Variants in POU3F3 observed in about 807,000 individuals in gnomAD.
POU3F3 encodes POU domain, class 3, transcription factor 3.
Under a neutral mutation model 8.6 loss-of-function variants are expected in POU3F3, and 1 was observed. The observed-to-expected ratio is 0.12, with a 90% confidence interval of 0.04 to 0.55. The LOEUF (loss-of-function observed/expected upper bound fraction) is 0.55. POU3F3 is among the 20% of genes least tolerant of loss of function. POU3F3 has a pLI of 0.91. For missense variants in POU3F3, 577 were observed against 690.7 expected (o/e 0.84, Z 1.84); for synonymous variants, 418 against 327.4 (o/e 1.28, Z -2.99).
chr2:104,871,493 T>C, the POU3F3 span, among the ~76,000 whole-genome samples: 1 of 152,190 alleles, frequency 6.6e-6, no homozygotes, highest in African/African-American at 2.4e-5. Flanking sequence ...ATAGTCATAA[T>C]TGGTATTTAA....
At chr2:104,911,190 G>A in the POU3F3 span, among the ~76,000 whole-genome samples, 3 of 151,824 alleles carry the variant, frequency 2.0e-5, no homozygotes, top group Non-Finnish European at 4.4e-5. Flanking sequence ...AAGGTGTCAT[G>A]TGAGGTCAGG....
the POU3F3 span, among the ~76,000 whole-genome samples, chr2:104,896,341 C>A: frequency 6.6e-6 from 1 of 152,152 alleles, no homozygotes. Context: ...GTGGTGCAAT[C>A]CAAAGGACGT....
chr2:104,864,377 C>T, the POU3F3 span, among the ~76,000 whole-genome samples: 1 of 152,216 alleles, frequency 6.6e-6, no homozygotes, highest in African/African-American at 2.4e-5. Flanking sequence ...AACATGAGAA[C>T]TTTAGAGGTG....
At chr2:104,864,422 C>G in the POU3F3 span, among the ~76,000 whole-genome samples, 1 of 152,200 alleles carries the variant, frequency 6.6e-6, no homozygotes, top group Non-Finnish European at 1.5e-5. Flanking sequence ...GCTTAAACCC[C>G]ACAACTGACT....
chr2:104,867,304 C>A, the POU3F3 span: 3 of 152,226 alleles, frequency 2.0e-5, no homozygotes, highest in Non-Finnish European at 2.9e-5. The surrounding 1 kb of genome is among the most constrained non-coding windows in gnomAD (Gnocchi z 5.0). Flanking sequence ...TGCGCCGGGC[C>A]CTCTCCGCTG....
chr2:104,861,761 ATG>A (rs1676659940), downstream of POU3F3, among the ~76,000 whole-genome samples: 1 of 152,214 alleles, frequency 6.6e-6, no homozygotes, highest in African/African-American at 2.4e-5. Flanking sequence ...TGAGTGACGC[ATG>A]TGAGAAGCGT....
At chr2:104,885,009 T>C in the POU3F3 span, among the ~76,000 whole-genome samples, 2 of 152,126 alleles carry the variant, frequency 1.3e-5, no homozygotes, top group African/African-American at 4.8e-5. Flanking sequence ...GAGGGCAGCA[T>C]TCTTACACAA....
the POU3F3 span, chr2:104,868,485 C>G: frequency 2.5e-6 from 1 of 396,948 alleles, no homozygotes; most frequent in African/African-American, 2.1e-5. Flanking sequence ...TCAGGAGAAG[C>G]TCAGAAGCAT....
chr2:104,887,998 C>CTA, the POU3F3 span, among the ~76,000 whole-genome samples: 1 of 152,176 alleles, frequency 6.6e-6, no homozygotes, highest in South Asian at 2.1e-4. Context: ...ACTGCAAATG[C>CTA]TATACAGCAC....
chr2:104,912,326 G>A, the POU3F3 span, among the ~76,000 whole-genome samples: 3 of 152,212 alleles, frequency 2.0e-5, no homozygotes, highest in East Asian at 3.9e-4. Context: ...ATCACTCACC[G>A]GCATCATTGG....
chr2:104,917,615 G>A, the POU3F3 span, among the ~76,000 whole-genome samples: 1 of 152,172 alleles, frequency 6.6e-6, no homozygotes, highest in South Asian at 2.1e-4. Context: ...GCTCCAAAGT[G>A]CAAAGAAACT....
Position 104,855,823 on chromosome 2 carries a change from G to A in POU3F3, c.313G>A (p.Ala105Thr), listed in dbSNP as rs1442103229. The change falls in exon 1 of 1, where the codon GCC (alanine) becomes ACC (threonine). Residue 105 changes from alanine (A) to threonine (T), a missense_variant. Coordinates refer to ENST00000361360, the MANE Select transcript of POU3F3 (RefSeq NM_006236.3). Reference sequence around the variant, plus strand: ...GTGGGTCACAGCCCTGCCCCACGCCGCCGCCGCCGCCGCCGCTGCCGCCGC... The same window carrying A: ...GTGGGTCACAGCCCTGCCCCACGCCACCGCCGCCGCCGCCGCTGCCGCCGC... Reference protein sequence around the residue: ...HQWVTALPHAAAAAAAAAAAA... With the variant: ...HQWVTALPHATAAAAAAAAAA... The A allele has an allele frequency of 1.8e-6, 2 of 1,109,952 alleles. No individual in the cohort carries two copies. The highest frequency in any genetic ancestry group is 2.2e-6 in the Non-Finnish European group (2 of 910,648). The allele number at this position is 1,109,952 out of a possible 1,614,324, so 68.8% of individuals were successfully genotyped here.
chr2:104,910,417 CCTCCA>C, the POU3F3 span, among the ~76,000 whole-genome samples: 5 of 152,068 alleles, frequency 3.3e-5, no homozygotes, highest in South Asian at 2.1e-4. Context: ...ATTCTCTTTT[CCTCCA>C]CTCAATGGGC....
At chr2:104,880,578 C>T in the POU3F3 span, among the ~76,000 whole-genome samples, 199 of 152,312 alleles carry the variant, frequency 1.3e-3, no homozygotes, top group African/African-American at 4.3e-3. Context: ...CAAGTGTCCA[C>T]ATCAGTCCAC....
chr2:104,881,158 T>C, the POU3F3 span, among the ~76,000 whole-genome samples: 2 of 94,846 alleles, frequency 2.1e-5, no homozygotes, highest in Non-Finnish European at 4.8e-5. Flanking sequence ...TTCCTTTCTT[T>C]CCTTTCTTTC....
the POU3F3 span, among the ~76,000 whole-genome samples, chr2:104,902,692 A>G: frequency 1.3e-5 from 2 of 152,336 alleles, no homozygotes; most frequent in Non-Finnish European, 2.9e-5. Context: ...TATGGCAGCT[A>G]TGGCAATCTG....
the POU3F3 span, among the ~76,000 whole-genome samples, chr2:104,917,138 G>A: frequency 6.6e-6 from 1 of 152,148 alleles, no homozygotes; most frequent in African/African-American, 2.4e-5. Context: ...CCCTGGTTGG[G>A]ATGAGACCCA....
chr2:104,900,165 TC>T, the POU3F3 span, among the ~76,000 whole-genome samples: 1 of 152,140 alleles, frequency 6.6e-6, no homozygotes, highest in African/African-American at 2.4e-5. Flanking sequence ...CTGGGTGACC[TC>T]CAATTCTTTT....
the POU3F3 span, among the ~76,000 whole-genome samples, chr2:104,910,481 C>A: frequency 6.6e-6 from 1 of 152,050 alleles, no homozygotes; most frequent in Non-Finnish European, 1.5e-5. Flanking sequence ...ACAGGCAGAT[C>A]GTGTAAACTC....
Sources: allele counts gnomAD v4.1 joint callset (sites outside exome capture counted in the v4.1 genomes callset), GRCh38; gene constraint gnomAD v4.1.1; non-coding constraint Gnocchi (gnomAD v3.1); transcripts MANE v1.5; gene names NCBI Gene and HGNC (gene_info 2026-07-23, HGNC 2026-07-21).